DOK2: variants seen among roughly 807,000 people sequenced by gnomAD.
The protein encoded by DOK2 is docking protein 2.
In DOK2, 28 loss-of-function variants were observed where a neutral mutation model predicts 26.0. The observed-to-expected ratio is 1.08, with a 90% CI of 0.80 to 1.48. The LOEUF is 1.48. Ranked by LOEUF, DOK2 falls within the 40% of genes most tolerant of loss-of-function variation. The pLI is 0.00. For synonymous variants in DOK2, 282 were observed against 236.9 expected (o/e 1.19, Z -1.75); for missense variants, 682 against 558.2 (o/e 1.22, Z -2.23).
chr8:21,912,763 A>C (rs1488466011), intron 1 of DOK2, among the ~76,000 whole-genome samples: 1 of 152,236 alleles, frequency 6.6e-6, no homozygotes, highest in Non-Finnish European at 1.5e-5. Context: ...CTGCCCAGGC[A>C]GAAAGCAACG....
chr8:21,913,411 C>T, intron 1 of DOK2, 128 bp downstream of exon 1: 1 of 1,113,992 alleles, frequency 9.0e-7, no homozygotes, highest in Non-Finnish European at 1.3e-6. Context: ...AAGTTGAGCT[C>T]TGGGTCTAAC....
chr8:21,910,625 G>T, intron 4 of DOK2, 48 bp downstream of exon 4: 1 of 1,606,008 alleles, frequency 6.2e-7, no homozygotes. Context: ...CTCTTTGTTC[G>T]TAGCTTATCC....
At chr8:21,911,097 C>A in intron 3 of DOK2, 2 of 538,502 alleles carry the variant, frequency 3.7e-6, no homozygotes, top group Non-Finnish European at 6.6e-6. Flanking sequence ...CACATCCACC[C>A]CAACCTCGTG....
Position 21,909,826 on chromosome 8 carries a change from TG to T in DOK2, c.723del (p.Ile242SerfsTer166). ...GGTGCAGCATTCTTCTGGGCAGAGA[TG>T]GCCTCTTCCAGGGCCAAGAAGATCT... is the stretch of plus-strand genomic sequence containing the variant. ...GNEIFLALEEAISAQKNAAPA... is the reference protein window; with the variant it reads ...GNEIFLALEEXISAQKNAAPA... On this transcript the variant is annotated frameshift_variant, in exon 5 of 5. Coordinates refer to ENST00000276420, the MANE Select transcript of DOK2 (RefSeq NM_003974.4). LOFTEE classifies it low-confidence loss of function (END_TRUNC). 6.2e-7 allele frequency: 1 copy of T among 1,613,946 alleles called. No homozygotes were observed. The highest frequency in any genetic ancestry group is 8.5e-7 in the Non-Finnish European group (1 of 1,180,006).
chr8:21,911,831 C>G (rs1234939453), intron 3 of DOK2, 70 bp downstream of exon 3: 1 of 1,478,006 alleles, frequency 6.8e-7, no homozygotes, highest in Non-Finnish European at 9.1e-7. Flanking sequence ...GCTAGCCAGC[C>G]CACACCTCCT....
chr8:21,913,575 G>A lies in DOK2; in HGVS notation c.27C>T (p.Gly9=), dbSNP rs185919890. 8.7e-6 allele frequency: 14 copies of A among 1,613,872 alleles called. No homozygotes were observed. The highest frequency in any genetic ancestry group is 1.2e-5 in the Non-Finnish European group (14 of 1,179,984). The part of the protein sequence containing the change: MGDGAVKQ[G]FLYLQQQQTF... Reference sequence around the variant, plus strand: ...TCTGCTGCTGCTGAAGATACAAGAAGCCTTGTTTCACTGCCCCGTCTCCCA... The same window carrying A: ...TCTGCTGCTGCTGAAGATACAAGAAACCTTGTTTCACTGCCCCGTCTCCCA... Residue 9 remains glycine, a synonymous_variant, in exon 1 of 5, where the codon GGC becomes GGT. Transcript: ENST00000276420.
rs141573671 is a variant in DOK2, at chr8:21,912,033, GC to G, written c.346-46del. Reference sequence around the variant, plus strand: ...TCTCATCACCTTCCCCGATCCCCAGGCCCCCCTCTGGCCCAGGCCTTCTTTC... The same window carrying G: ...TCTCATCACCTTCCCCGATCCCCAGGCCCCCTCTGGCCCAGGCCTTCTTTC... On this transcript the variant is annotated intron_variant, in intron 2 of 4. Transcript: ENST00000276420. 6,479 of 1,530,922 alleles carry G rather than the reference GC, an allele frequency of 4.2e-3. 257 individuals are homozygous for G. In the African/African-American group the frequency reaches 0.079, roughly 19 times the overall value. 94.8% of individuals were successfully genotyped at this position (1,530,922 alleles called of 1,614,324 possible).
rs1274475907 is a variant in DOK2 at position 21,909,047 on chromosome 8, G to T, written c.*264C>A. On this transcript the variant is annotated 3_prime_UTR_variant, in exon 5 of 5. Coordinates refer to ENST00000276420, the MANE Select transcript of DOK2 (RefSeq NM_003974.4). ...CATCCTTTTGTCCTCTGCCCTAAAT[G>T]CCCCAGGTTCCTCCTCAGCTGGGGA... 8.0e-6 allele frequency: 3 copies of T among 375,842 alleles called. No homozygotes were observed. Among genetic ancestry groups the T allele is most frequent in the Admixed American group, 4.2e-5 (1 of 23,670 alleles). 23.3% of individuals were successfully genotyped at this position (375,842 alleles called of 1,614,324 possible).
chr8:21,913,237 G>GAA (rs1407628761), intron 1 of DOK2, among the ~76,000 whole-genome samples: 1 of 152,186 alleles, frequency 6.6e-6, no homozygotes, highest in Non-Finnish European at 1.5e-5. Context: ...GGTGTCCGGT[G>GAA]AAAAGAAGTC....
At chr8:21,910,931 C>A in intron 3 of DOK2, 74 bp from the exon 4 acceptor site, 1 of 1,461,140 alleles carries the variant, frequency 6.8e-7, no homozygotes, top group South Asian at 1.4e-5. Context: ...CTGCCCAGTT[C>A]TAAATGAGCG....
Position 21,909,306 on chromosome 8 carries a change from C to G in DOK2, c.*5G>C, listed in dbSNP as rs1327385829. On this transcript the variant is annotated 3_prime_UTR_variant, in exon 5 of 5. Coordinates refer to ENST00000276420, the MANE Select transcript of DOK2 (RefSeq NM_003974.4). The stretch of plus-strand genomic sequence containing the variant: ...GGGCGGTGGACCATCCCTCTGCTGC[C>G]TCTGTCACTTTGGGCCTTTCTTTAG... 3.3e-6 allele frequency: 5 copies of G among 1,524,678 alleles called. No individual in the cohort carries two copies. In the South Asian group the frequency reaches 6.6e-5, roughly 20 times the overall value. 94.4% of individuals were successfully genotyped at this position (1,524,678 alleles called of 1,614,324 possible).
chr8:21,911,697 G>C (rs1243334864), intron 3 of DOK2, among the ~76,000 whole-genome samples: 1 of 152,182 alleles, frequency 6.6e-6, no homozygotes, highest in Non-Finnish European at 1.5e-5. Context: ...GTGAACCAAG[G>C]GAGAGACTCA....
In DOK2 at chr8:21,912,292, GA is replaced by G; in HGVS notation, c.281del (p.Leu94ProfsTer60). 2 of 1,596,842 alleles carry G rather than the reference GA, an allele frequency of 1.3e-6. No homozygotes were observed. Among genetic ancestry groups the G allele is most frequent in the Non-Finnish European group, 1.7e-6 (2 of 1,174,012 alleles). Reference sequence around the variant, plus strand: ...CGCGCTCCGCTGCAGGGGCCGCCAGGAGGTACAGGCGCTCCTTGGTCTCCAG... The same window carrying G: ...CGCGCTCCGCTGCAGGGGCCGCCAGGGGTACAGGCGCTCCTTGGTCTCCAG... ...FFLETKERLY[L>X]LAAPAAERGD... On this transcript the variant is annotated frameshift_variant, in exon 2 of 5. Coordinates refer to ENST00000276420, the MANE Select transcript of DOK2 (RefSeq NM_003974.4). LOFTEE classifies it high-confidence loss of function.
rs746558832 is a variant in DOK2, at chr8:21,909,458, C to T, written c.1092G>A (p.Arg364=). Reference sequence around the variant, plus strand: ...TCGCCTGCCTCCTCCATGCCTCACCCCGGGGCTCCTGCGGGCTGTCATAGA... The same window carrying T: ...TCGCCTGCCTCCTCCATGCCTCACCTCGGGGCTCCTGCGGGCTGTCATAGA... ...LSLYDSPQEP[R]GEAWRRQATA... is the part of the protein sequence containing the mutation. The change falls in exon 5 of 5, where the codon CGG becomes CGA. Residue 364 remains arginine (R), a synonymous_variant. Transcript: ENST00000276420. 9 of 1,613,600 alleles carry T rather than the reference C, an allele frequency of 5.6e-6. No individual in the cohort carries two copies.
chr8:21,912,598 G>T, intron 1 of DOK2, 88 bp from the exon 2 acceptor site: 4 of 1,343,156 alleles, frequency 3.0e-6, no homozygotes, highest in Non-Finnish European at 3.9e-6. Flanking sequence ...GGAACCGTGG[G>T]AGGGGGACTG....
rs1051361214 is a variant in DOK2, at chr8:21,909,084, G to A, written c.*227C>T. On this transcript the variant is annotated 3_prime_UTR_variant, in exon 5 of 5. Coordinates refer to ENST00000276420, the MANE Select transcript of DOK2 (RefSeq NM_003974.4). ...TCCTCAGCTGGGGAAAGAAAGAGGA[G>A]GAAGTGGAAAAAGAGTAGGAGGAGG... 1 of 458,532 alleles carries A rather than the reference G, an allele frequency of 2.2e-6. No homozygotes were observed. Among genetic ancestry groups the A allele is most frequent in the East Asian group, 3.4e-5 (1 of 29,552 alleles). The allele number at this position is 458,532 out of a possible 1,614,324, so 28.4% of individuals were successfully genotyped here.
intron 3 of DOK2, 48 bp from the exon 4 acceptor site, chr8:21,910,905 C>G (rs1019339086): frequency 2.6e-6 from 4 of 1,541,704 alleles, no homozygotes; most frequent in Non-Finnish European, 3.5e-6. Flanking sequence ...TGGGAAACAG[C>G]TGGCCTGCCT....
chr8:21,912,034 C>T (rs1432320412), intron 2 of DOK2, 46 bp from the exon 3 acceptor site: 2 of 1,517,788 alleles, frequency 1.3e-6, no homozygotes, highest in African/African-American at 1.6e-5. Context: ...GATCCCCAGG[C>T]CCCCCTCTGG....
chr8:21,912,187 C>T, intron 2 of DOK2, 42 bp downstream of exon 2: 9 of 1,506,004 alleles, frequency 6.0e-6, no homozygotes, highest in African/African-American at 1.4e-5. Context: ...ACACCCTCGG[C>T]CTGCACGCCC....
Sources: gnomAD v4.1 joint callset for allele counts (sites outside exome capture counted in the v4.1 genomes callset) on GRCh38, gnomAD v4.1.1 for gene constraint, MANE v1.5 for transcripts, NCBI Gene and HGNC (gene_info 2026-07-23, HGNC 2026-07-21) for gene names.